The following RNF213 variants were observed in gnomAD, a reference collection of about 807,000 sequenced individuals.
The protein encoded by RNF213 is E3 ubiquitin-protein ligase RNF213.
In RNF213, 341 loss-of-function variants were observed where a neutral mutation model predicts 514.4. The ratio of observed to expected loss-of-function variants is 0.66; its 90% CI spans 0.61 to 0.73. The LOEUF (loss-of-function observed/expected upper bound fraction) is 0.73, where lower values mean the gene tolerates loss of function less well. RNF213 is among the 30% of genes least tolerant of loss of function. The pLI is 0.00. For missense variants in RNF213, 5,767 were observed against 6,615.6 expected (o/e 0.87, Z 4.45); for synonymous variants, 2,655 against 2,658.2 (o/e 1.00, Z 0.04).
intron 11 of RNF213, among the ~76,000 whole-genome samples, chr17:80,302,568 A>G (rs1187374488): frequency 6.6e-6 from 1 of 152,210 alleles, no homozygotes; most frequent in African/African-American, 2.4e-5. Context: ...TAAAAATAAT[A>G]AAAGCAGCTG....
rs773939686 is a variant in RNF213, at chr17:80,389,906, C to T, written c.15274C>T (p.Arg5092Trp). 19 of 1,614,144 alleles carry T rather than the reference C, an allele frequency of 1.2e-5. No individual in the cohort carries two copies. The Admixed American group carries it at 2.2e-4, about 18-fold the overall frequency. ...LSAHKSEQLL[R>W]LHKEPFGEIS... ...TGCTCATAAGTCTGAACAGCTGCTG[C>T]GGCTGCACAAAGTAAGTCTGGTCTC... The change falls in exon 66 of 68, where the codon CGG becomes TGG. Residue 5092 changes from arginine (R) to tryptophan (W), a missense_variant. Physicochemically the swap from Arg to Trp is moderately radical, Grantham distance 101. Around this residue, in one of 13 missense-constraint regions of RNF213, gnomAD observed 1,245 missense variants for 1,339.0 expected, o/e 0.93. Transcript: ENST00000582970.
Position 80,346,379 on chromosome 17 carries a change from C to T in RNF213, c.8044C>T (p.Leu2682Phe). Residue 2682 changes from leucine to phenylalanine, a missense_variant, in exon 29 of 68, where the codon CTC becomes TTC. By Grantham distance (22) the Leu-to-Phe change is conservative. Coordinates refer to ENST00000582970, the MANE Select transcript of RNF213 (RefSeq NM_001256071.3). The surrounding 1 kb of genome is among the most constrained non-coding windows in gnomAD (Gnocchi z 8.1). ...SKNHTERDPV[L>F]WSLMLAIGVC... The stretch of plus-strand genomic sequence containing the variant: ...AAATCACACCGAGAGAGATCCCGTC[C>T]TCTGGTCGTTGATGCTGGCCATCGG... 1 of 1,613,476 alleles carries T rather than the reference C, an allele frequency of 6.2e-7. No homozygotes were observed. Among genetic ancestry groups the T allele is most frequent in the South Asian group, 1.1e-5 (1 of 91,060 alleles).
At chr17:80,273,611 G>A (rs181553614) in intron 3 of RNF213, among the ~76,000 whole-genome samples, 2,602 of 132,098 alleles carry the variant, frequency 0.02, 48 homozygotes, top group East Asian at 0.12. Context: ...GGCCTCCACC[G>A]TCTTTTTTTT....
At position 80,348,184 on chromosome 17, in the gene RNF213, G is replaced by T; in HGVS notation, c.9849G>T (p.Leu3283=). ...TGGGCGGGTTCGCAGCGGAGTGGCT[G>T]TCGCAGGAGTACTTTCACAGACAGA... ...YSLGGFAAEW[L]SQEYFHRQRH... The change falls in exon 29 of 68, where the codon CTG becomes CTT. Residue 3283 remains leucine (L), a synonymous_variant. Transcript: ENST00000582970. 1 of 1,613,928 alleles carries T rather than the reference G, an allele frequency of 6.2e-7. No homozygotes were observed. Among genetic ancestry groups the T allele is most frequent in the Middle Eastern group, 1.6e-4 (1 of 6,062 alleles).
intron 13 of RNF213, among the ~76,000 whole-genome samples, chr17:80,308,597 C>T (rs935938675): frequency 6.6e-6 from 1 of 152,170 alleles, no homozygotes; most frequent in African/African-American, 2.4e-5. Context: ...AACACAAAAC[C>T]CAGGCCCGGC....
intron 42 of RNF213, 27 bp downstream of exon 42, chr17:80,364,580 A>G (rs766436929): frequency 3.1e-6 from 5 of 1,614,076 alleles, no homozygotes; most frequent in Non-Finnish European, 4.2e-6. Flanking sequence ...GCCTCAGCAC[A>G]TGCACGGATC....
At chr17:80,311,369 T>C (rs2045565688) in intron 14 of RNF213, among the ~76,000 whole-genome samples, 1 of 152,116 alleles carries the variant, frequency 6.6e-6, no homozygotes, top group Admixed American at 6.6e-5. Flanking sequence ...CTCTGAGCGG[T>C]CATTCAGTTT....
At chr17:80,385,484 G>C in intron 60 of RNF213, 54 bp from the exon 61 acceptor site, 1 of 1,509,186 alleles carries the variant, frequency 6.6e-7, no homozygotes, top group Non-Finnish European at 9.2e-7. Flanking sequence ...GGGTGGTTTG[G>C]CCCTTTCAGG....
chr17:80,360,328 A>G (rs2079008009), intron 38 of RNF213, 122 bp downstream of exon 38: 2 of 1,169,628 alleles, frequency 1.7e-6, no homozygotes, highest in African/African-American at 1.5e-5. Context: ...TAGTTTTCAC[A>G]CTTTGTTTGT....
intron 3 of RNF213, 44 bp downstream of exon 3, chr17:80,273,448 C>T: frequency 6.2e-7 from 1 of 1,607,586 alleles, no homozygotes; most frequent in African/African-American, 1.3e-5. Flanking sequence ...GCTCACTCTG[C>T]CCAGGAAAAT....
At chr17:80,287,708 G>C in intron 3 of RNF213, 107 bp from the exon 4 acceptor site, 1 of 1,176,072 alleles carries the variant, frequency 8.5e-7, no homozygotes, top group Non-Finnish European at 1.3e-6. Flanking sequence ...TACTTTGGTC[G>C]AGCCAAGCTT....
chr17:80,390,405 G>A (rs746426920), intron 67 of RNF213, among the ~76,000 whole-genome samples: 6 of 152,138 alleles, frequency 3.9e-5, no homozygotes, highest in Non-Finnish European at 7.3e-5. Flanking sequence ...TTTCAGACAA[G>A]AGTCTTGCCC....
intron 49 of RNF213, 141 bp downstream of exon 49, chr17:80,373,306 C>T: frequency 1.6e-6 from 1 of 641,284 alleles, no homozygotes; most frequent in Non-Finnish European, 2.7e-6. Context: ...ACCCTCATAC[C>T]CCCACACCTC....
Position 80,355,728 on chromosome 17 carries a change from G to A in RNF213, c.10862+1152G>A, listed in dbSNP as rs117380076. Among the ~76,000 whole-genome samples the A allele has an allele frequency of 2.3e-3, 107 of 45,708 alleles. 4 individuals carry two copies. Among genetic ancestry groups the A allele is most frequent in the African/African-American group, 9.4e-3 (76 of 8,048 alleles). 30.0% of individuals were successfully genotyped at this position (45,708 alleles called of 152,430 possible). On this transcript the variant is annotated intron_variant, in intron 36 of 67. Coordinates refer to ENST00000582970, the MANE Select transcript of RNF213 (RefSeq NM_001256071.3). ...GGCTTACAGAGGAAGAAGCGGGGTG[G>A]ACGGGAATGGGGGCTCACGGAGGAA...
At chr17:80,328,011 AC>A in intron 19 of RNF213, 22 bp downstream of exon 19, 1 of 1,536,650 alleles carries the variant, frequency 6.5e-7, no homozygotes, top group Admixed American at 2.0e-5. Flanking sequence ...GTCGATACGC[AC>A]TTCAGGCTCC....
Position 80,379,673 on chromosome 17 carries a change from A to C in RNF213, c.13599A>C (p.Gly4533=). The change falls in exon 55 of 68, where the codon GGA becomes GGC. Residue 4533 remains glycine, a synonymous_variant. Transcript: ENST00000582970. ...GCATTGACTGCCATGCGCCGATTGG[A>C]GGCATTGACCACAAACCTCGGGACG... The part of the protein sequence containing the change: ...SICIDCHAPI[G]GIDHKPRDGF... 1 of 1,614,216 alleles carries C rather than the reference A, an allele frequency of 6.2e-7. No homozygotes were observed.
At chr17:80,393,256 C>T in intron 67 of RNF213, 89 bp from the exon 68 acceptor site, 2 of 1,095,104 alleles carry the variant, frequency 1.8e-6, no homozygotes, top group Non-Finnish European at 2.6e-6. Flanking sequence ...GCTGGGCTTA[C>T]ACACGTGAGC....
rs1345508180 is a variant in RNF213, at chr17:80,396,937, A to G, written c.*3439A>G. ...CAGGCTGCCCCTGCTCAGGTGCTCC[A>G]CAGCCCATAAAAAACGCCTTCAGCC... On this transcript the variant is annotated 3_prime_UTR_variant, in exon 68 of 68. Transcript: ENST00000582970. 6.6e-6 allele frequency: 1 copy of G among 152,262 alleles called. No homozygotes were observed. The highest frequency in any genetic ancestry group is 1.5e-5 in the Non-Finnish European group (1 of 68,124). 9.4% of individuals were successfully genotyped at this position (152,262 alleles called of 1,614,324 possible).
chr17:80,396,074 C>G lies in RNF213; in HGVS notation c.*2576C>G, dbSNP rs1384900380. ...CCTTGGTGGTGATTTACCTGAAAATCTTCACAACTGATCATTATCTCCTTC... is the reference window on the plus strand; with the variant it reads ...CCTTGGTGGTGATTTACCTGAAAATGTTCACAACTGATCATTATCTCCTTC... On this transcript the variant is annotated 3_prime_UTR_variant, in exon 68 of 68. Coordinates refer to ENST00000582970, the MANE Select transcript of RNF213 (RefSeq NM_001256071.3). The G allele has an allele frequency of 6.6e-6, 1 of 152,176 alleles. No homozygotes were observed. The highest frequency in any genetic ancestry group is 2.4e-5 in the African/African-American group (1 of 41,410). The allele number at this position is 152,176 out of a possible 1,614,324, so 9.4% of individuals were successfully genotyped here.
Sources: allele counts gnomAD v4.1 joint callset (sites outside exome capture counted in the v4.1 genomes callset), GRCh38; gene constraint gnomAD v4.1.1; regional missense constraint gnomAD v4.1.1; non-coding constraint Gnocchi (gnomAD v3.1); transcripts MANE v1.5; gene names NCBI Gene and HGNC (gene_info 2026-07-23, HGNC 2026-07-21).